The following MND1 variants were observed in gnomAD, a reference collection of about 807,000 sequenced individuals.
The protein encoded by MND1 is meiotic nuclear division protein 1 homolog.
A neutral mutation model predicts 35.1 loss-of-function variants in MND1; 28 were observed. That is an observed-to-expected ratio of 0.80 (90% CI 0.59 to 1.09). The LOEUF is 1.09. MND1 is among the 50% of genes least tolerant of loss of function. The pLI is 0.00. For missense variants in MND1, 213 were observed against 239.6 expected (o/e 0.89, Z 0.73); for synonymous variants, 69 against 70.5 (o/e 0.98, Z 0.11).
At chr4:153,396,612 G>C (rs913151882) in intron 5 of MND1, among the ~76,000 whole-genome samples, 3 of 152,176 alleles carry the variant, frequency 2.0e-5, no homozygotes, top group African/African-American at 7.2e-5. Context: ...CTACCTGCTA[G>C]TGAGAAATAT....
intron 4 of MND1, among the ~76,000 whole-genome samples, chr4:153,366,087 A>G (rs748896548): frequency 2.6e-4 from 39 of 152,126 alleles, no homozygotes; most frequent in Non-Finnish European, 5.0e-4. Flanking sequence ...GCCTCTTTCA[A>G]TTTCTGTGGG....
chr4:153,349,037 TAAG>T (rs1197994236), intron 1 of MND1, among the ~76,000 whole-genome samples: 2 of 151,914 alleles, frequency 1.3e-5, no homozygotes, highest in Non-Finnish European at 2.9e-5. Context: ...GCAGATCACA[TAAG>T]AAATATTAGT....
chr4:153,408,053 G>T (rs373973623), intron 6 of MND1, among the ~76,000 whole-genome samples: 3 of 152,142 alleles, frequency 2.0e-5, no homozygotes, highest in African/African-American at 7.2e-5. Context: ...AGATGGGGTG[G>T]ATCACTTGAG....
chr4:153,379,777 G>A (rs1167900085), intron 4 of MND1, among the ~76,000 whole-genome samples: 1 of 149,614 alleles, frequency 6.7e-6, no homozygotes, highest in Non-Finnish European at 1.5e-5. Context: ...TTGAACCCGG[G>A]AGGCAGAGGT....
chr4:153,393,990 CGCAATCTCAGCTCACT>C (rs1658826651), intron 4 of MND1, among the ~76,000 whole-genome samples: 1 of 122,492 alleles, frequency 8.2e-6, no homozygotes, highest in Admixed American at 1.1e-4. Context: ...AGTGCAGAGG[CGCAATCTCAGCTCACT>C]GCAACCTCAG....
At chr4:153,363,281 A>G (rs1773543491) in intron 4 of MND1, among the ~76,000 whole-genome samples, 1 of 150,752 alleles carries the variant, frequency 6.6e-6, no homozygotes, top group Non-Finnish European at 1.5e-5. Flanking sequence ...GCACAAACTC[A>G]GTTCACTGCA....
chr4:153,405,085 A>G (rs1729457392), intron 6 of MND1, among the ~76,000 whole-genome samples: 1 of 152,172 alleles, frequency 6.6e-6, no homozygotes, highest in Admixed American at 6.5e-5. Flanking sequence ...TACAGATTCA[A>G]TGCTAAACCT....
chr4:153,352,746 T>TAAAAA (rs56770218), intron 2 of MND1, among the ~76,000 whole-genome samples: 2 of 114,968 alleles, frequency 1.7e-5, no homozygotes, highest in African/African-American at 3.2e-5. Flanking sequence ...GACCCTATCT[T>TAAAAA]AAAAAAAAAA....
chr4:153,361,973 T>G (rs1002366750), intron 4 of MND1, among the ~76,000 whole-genome samples: 1 of 152,262 alleles, frequency 6.6e-6, no homozygotes, highest in Non-Finnish European at 1.5e-5. Context: ...ACTCTTTATT[T>G]TTTCCATGTC....
intron 5 of MND1, among the ~76,000 whole-genome samples, chr4:153,394,925 T>C (rs1729158186): frequency 6.6e-6 from 1 of 152,220 alleles, no homozygotes; most frequent in Non-Finnish European, 1.5e-5. Context: ...TCTATTTTCA[T>C]CATTATCTAA....
At chr4:153,401,277 C>T (rs939652203) in intron 6 of MND1, among the ~76,000 whole-genome samples, 72 of 152,058 alleles carry the variant, frequency 4.7e-4, no homozygotes, top group African/African-American at 1.7e-3. Flanking sequence ...ATGAAAATGG[C>T]ATCTGAGCCT....
intron 2 of MND1, among the ~76,000 whole-genome samples, chr4:153,351,857 A>G (rs2149629224): frequency 6.6e-6 from 1 of 152,344 alleles, no homozygotes; most frequent in South Asian, 2.1e-4. Flanking sequence ...AGAATATAAA[A>G]AACAAGACAT....
In MND1 at chr4:153,356,552, C is replaced by CAAAA. The variant is rs34763120; in HGVS notation, c.127+862_127+865dup. 3.2e-3 allele frequency among the ~76,000 whole-genome samples: 190 copies of CAAAA among 59,940 alleles called. 17 individuals are homozygous for CAAAA. The highest frequency in any genetic ancestry group is 0.016 in the Middle Eastern group (1 of 62). 39.3% of individuals were successfully genotyped at this position (59,940 alleles called of 152,430 possible). On this transcript the variant is annotated intron_variant, in intron 3 of 7. Transcript: ENST00000240488. ...TGGGTGACAGAGTGAAACTCAGTCT[C>CAAAA]AAAAAAAAAAAAAAAAAAAAAAAAG...
chr4:153,367,859 T>A (rs1446150110), intron 4 of MND1, among the ~76,000 whole-genome samples: 1 of 152,242 alleles, frequency 6.6e-6, no homozygotes, highest in African/African-American at 2.4e-5. Context: ...ATTTGAATTT[T>A]TGATTCTAGC....
At chr4:153,402,159 C>T (rs1729362280) in intron 6 of MND1, among the ~76,000 whole-genome samples, 1 of 152,112 alleles carries the variant, frequency 6.6e-6, no homozygotes, top group Non-Finnish European at 1.5e-5. Flanking sequence ...CTCAAAACAA[C>T]AACAACAAAC....
chr4:153,361,145 A>G (rs979463489), intron 4 of MND1, among the ~76,000 whole-genome samples: 5 of 152,308 alleles, frequency 3.3e-5, no homozygotes, highest in East Asian at 3.9e-4. Flanking sequence ...AACCCTGTGC[A>G]CTTTATGGAT....
In MND1 at chr4:153,390,012, C is replaced by T. The variant is rs371380302; in HGVS notation, c.277-4250C>T. 1.8e-4 allele frequency among the ~76,000 whole-genome samples: 26 copies of T among 147,056 alleles called. 1 individual carries two copies. Among genetic ancestry groups the T allele is most frequent in the African/African-American group, 5.9e-4 (23 of 38,952 alleles). Reference sequence around the variant, plus strand: ...AGGAGGTAGAGCCCAGCAACCTGTGCCTTAAAAAGCCCTTTGGCTTTTTTT... The same window carrying T: ...AGGAGGTAGAGCCCAGCAACCTGTGTCTTAAAAAGCCCTTTGGCTTTTTTT... On this transcript the variant is annotated intron_variant, in intron 4 of 7. Coordinates refer to ENST00000240488, the MANE Select transcript of MND1 (RefSeq NM_032117.4).
chr4:153,367,959 T>G (rs989514948), intron 4 of MND1, among the ~76,000 whole-genome samples: 1 of 152,230 alleles, frequency 6.6e-6, no homozygotes, highest in Non-Finnish European at 1.5e-5. Context: ...TTCATGTGCT[T>G]CTTGGCCATT....
Position 153,381,751 on chromosome 4 carries a change from A to G in MND1, c.277-12511A>G, listed in dbSNP as rs1433181932. 5 of 104,122 alleles carry G rather than the reference A, an allele frequency of 4.8e-5. No homozygotes were observed. In the East Asian group the frequency reaches 1.7e-3, roughly 34 times the overall value. 6.4% of individuals were successfully genotyped at this position (104,122 alleles called of 1,614,324 possible). A position where few individuals can be genotyped will look rare whatever the true frequency, so the allele number is the denominator to read the frequency against. ...GAGATAGAGTCTTGCTGTGTTTCCC[A>G]GGCTGGAATGCAGTAGCTATTCATG... On this transcript the variant is annotated intron_variant, in intron 4 of 7. Coordinates refer to ENST00000240488, the MANE Select transcript of MND1 (RefSeq NM_032117.4).
Sources: allele counts gnomAD v4.1 joint callset (sites outside exome capture counted in the v4.1 genomes callset), GRCh38; gene constraint gnomAD v4.1.1; transcripts MANE v1.5; gene names NCBI Gene and HGNC (gene_info 2026-07-23, HGNC 2026-07-21).